The following ITPR1 variants were observed in gnomAD, a reference collection of about 807,000 sequenced individuals.
ITPR1 encodes inositol 1,4,5-trisphosphate-gated calcium channel ITPR1.
In ITPR1, 96 loss-of-function variants were observed where a neutral mutation model predicts 318.4. The observed-to-expected ratio is 0.30, with a 90% CI of 0.26 to 0.36. The LOEUF is 0.36. ITPR1 is among the 10% of genes least tolerant of loss of function. The pLI, the probability that ITPR1 is intolerant of heterozygous loss-of-function variation, is 1.00. For synonymous variants in ITPR1, 1,312 were observed against 1,289.9 expected, an observed-to-expected ratio of 1.02 and a Z score of -0.37; for missense variants, 2,440 against 3,460.2, an observed-to-expected ratio of 0.71 and a Z score of 7.40.
rs6795414 is a variant in ITPR1 at position 4,660,378 on chromosome 3, T to A, written c.1152-610T>A. 9.6e-3 allele frequency among the ~76,000 whole-genome samples: 1,456 copies of A among 152,160 alleles called. 22 individuals carry two copies. Among genetic ancestry groups the A allele is most frequent in the African/African-American group, 0.033 (1,365 of 41,550 alleles). ...ATAACCTTTTAATGCAATGGGCTAC[T>A]CTTTTATTTTCCCAGGCTATGGTGA... On this transcript the variant is annotated intron_variant, in intron 13 of 61. Coordinates refer to ENST00000649015, the MANE Select transcript of ITPR1 (RefSeq NM_001378452.1).
intron 3 of ITPR1, among the ~76,000 whole-genome samples, chr3:4,516,827 A>G (rs1199554736): frequency 6.6e-6 from 1 of 152,208 alleles, no homozygotes; most frequent in Non-Finnish European, 1.5e-5. Flanking sequence ...GTTTATTAAA[A>G]TTTGCTTTTC....
intron 2 of ITPR1, among the ~76,000 whole-genome samples, chr3:4,510,905 A>C (rs1431097952): frequency 6.6e-6 from 1 of 152,180 alleles, no homozygotes; most frequent in Non-Finnish European, 1.5e-5. Context: ...TGGGCTTGAG[A>C]AAACAGCACA....
rs1574835737 is a variant in ITPR1, at chr3:4,681,511, C to T, written c.3161+93C>T. 3 of 885,910 alleles carry T rather than the reference C, an allele frequency of 3.4e-6. No homozygotes were observed. The East Asian group carries it at 7.6e-5, about 22-fold the overall frequency. 54.9% of individuals were successfully genotyped at this position (885,910 alleles called of 1,614,324 possible). A position where few individuals can be genotyped will look rare whatever the true frequency, so the allele number is the denominator to read the frequency against. On this transcript the variant is annotated intron_variant, in intron 26 of 61. Coordinates refer to ENST00000649015, the MANE Select transcript of ITPR1 (RefSeq NM_001378452.1). ...TTTATTATGTTAGTAAATATTTAGT[C>T]TCTGGGCTTAGGTTGTTTTGGTGCT...
intron 4 of ITPR1, among the ~76,000 whole-genome samples, chr3:4,570,054 G>A (rs1365772270): frequency 1.3e-5 from 2 of 152,030 alleles, no homozygotes; most frequent in African/African-American, 4.8e-5. Flanking sequence ...TTGGAGAATT[G>A]CGTATTTTTA....
chr3:4,747,030 T>C (rs2044159388), intron 44 of ITPR1, among the ~76,000 whole-genome samples: 1 of 152,200 alleles, frequency 6.6e-6, no homozygotes, highest in African/African-American at 2.4e-5. Flanking sequence ...AAATGTGAAC[T>C]TGTGTTGTTG....
chr3:4,696,490 G>A (rs1003087265), intron 33 of ITPR1, among the ~76,000 whole-genome samples: 7 of 152,078 alleles, frequency 4.6e-5, no homozygotes, highest in East Asian at 1.9e-4. Flanking sequence ...CATACACCAC[G>A]TTTTGTGTGT....
At chr3:4,827,201 GCAC>G (rs909301632) in intron 60 of ITPR1, among the ~76,000 whole-genome samples, 1 of 152,150 alleles carries the variant, frequency 6.6e-6, no homozygotes. Context: ...TGCCCCGACA[GCAC>G]CACCACCGTG....
Position 4,710,892 on chromosome 3 carries a change from A to G in ITPR1, c.4991+419A>G, listed in dbSNP as rs1432500309. Among the ~76,000 whole-genome samples, 2 of 152,178 alleles carry G rather than the reference A, an allele frequency of 1.3e-5. No individual in the cohort carries two copies. Among genetic ancestry groups the G allele is most frequent in the Non-Finnish European group, 2.9e-5 (2 of 68,020 alleles). On this transcript the variant is annotated intron_variant, in intron 38 of 61. Transcript: ENST00000649015. This position sits in a 1 kb window ranked among gnomAD's most constrained non-coding sequence, Gnocchi z 4.2. ...TGCGTAATCTGTAAGCAACAAGCAG[A>G]CCCATGGTTAGAAATCTCCATTAGA... is the stretch of plus-strand genomic sequence containing the variant.
intron 4 of ITPR1, among the ~76,000 whole-genome samples, chr3:4,604,987 G>C (rs900235568): frequency 2.0e-5 from 3 of 151,682 alleles, no homozygotes; most frequent in African/African-American, 4.8e-5. Flanking sequence ...TTTTTGGGTG[G>C]GGGGGATGGA....
chr3:4,507,073 A>C (rs1350659450), intron 2 of ITPR1, among the ~76,000 whole-genome samples: 2 of 152,172 alleles, frequency 1.3e-5, no homozygotes, highest in Non-Finnish European at 2.9e-5. Flanking sequence ...ATATTTTCCC[A>C]AACAAAAATT....
At chr3:4,708,379 A>T (rs2094802619) in intron 37 of ITPR1, among the ~76,000 whole-genome samples, 1 of 152,180 alleles carries the variant, frequency 6.6e-6, no homozygotes, top group Admixed American at 6.5e-5. Context: ...GAGCAAAGGA[A>T]GTTGAGTGTG....
chr3:4,522,482 G>A (rs2082643097), intron 4 of ITPR1, among the ~76,000 whole-genome samples: 1 of 152,230 alleles, frequency 6.6e-6, no homozygotes, highest in South Asian at 2.1e-4. Context: ...CAGTTGGCGT[G>A]AGACAATCAG....
intron 4 of ITPR1, among the ~76,000 whole-genome samples, chr3:4,549,236 CA>C (rs1298811762): frequency 8.5e-5 from 13 of 152,118 alleles, no homozygotes; most frequent in Admixed American, 6.5e-5. Context: ...AATGCACTGA[CA>C]GGGGTATTTA....
intron 46 of ITPR1, among the ~76,000 whole-genome samples, chr3:4,773,534 T>A (rs946855807): frequency 2.6e-5 from 4 of 152,174 alleles, no homozygotes; most frequent in Non-Finnish European, 4.4e-5. Context: ...TTGTTACATA[T>A]TAATCTATAT....
chr3:4,673,822 G>C (rs369159367), intron 21 of ITPR1, among the ~76,000 whole-genome samples: 1 of 151,950 alleles, frequency 6.6e-6, no homozygotes, highest in African/African-American at 2.4e-5. Context: ...GACCTTGTGA[G>C]CCGTCCACCT....
chr3:4,500,640 T>G (rs1235726825), intron 2 of ITPR1, among the ~76,000 whole-genome samples: 1 of 152,210 alleles, frequency 6.6e-6, no homozygotes, highest in East Asian at 1.9e-4. Context: ...AAAATGCAAT[T>G]GACCTATCCT....
chr3:4,747,467 G>A (rs1290602712), intron 44 of ITPR1, among the ~76,000 whole-genome samples: 1 of 152,192 alleles, frequency 6.6e-6, no homozygotes, highest in Non-Finnish European at 1.5e-5. Context: ...CCGCTTCAAG[G>A]ACTTTGCGTC....
intron 33 of ITPR1, among the ~76,000 whole-genome samples, chr3:4,695,455 C>A (rs930178073): frequency 2.6e-5 from 4 of 152,136 alleles, no homozygotes; most frequent in South Asian, 2.1e-4. Flanking sequence ...TTGTATACTG[C>A]AAGAACGATA....
At chr3:4,845,427 A>G (rs1488537723) in intron 61 of ITPR1, among the ~76,000 whole-genome samples, 4 of 152,236 alleles carry the variant, frequency 2.6e-5, no homozygotes, top group Non-Finnish European at 5.9e-5. Context: ...TATTTAGTTC[A>G]GCAACCAAAT....
Sources: gnomAD v4.1 joint callset for allele counts (sites outside exome capture counted in the v4.1 genomes callset) on GRCh38, gnomAD v4.1.1 for gene constraint, Gnocchi (gnomAD v3.1) non-coding constraint, MANE v1.5 for transcripts, NCBI Gene and HGNC (gene_info 2026-07-23, HGNC 2026-07-21) for gene names.